The following HFM1 variants were observed in gnomAD, a reference collection of about 807,000 sequenced individuals.
HFM1 encodes helicase for meiosis 1.
In HFM1, 169 loss-of-function variants were observed where a neutral mutation model predicts 192.1. The ratio of observed to expected loss-of-function variants is 0.88; its 90% CI spans 0.78 to 1.00. The LOEUF (loss-of-function observed/expected upper bound fraction) is 1.00. Ranked by LOEUF, HFM1 falls within the 50% of genes least tolerant of loss-of-function variation. The pLI is 0.00. For missense variants in HFM1, 1,661 were observed against 1,668.0 expected, an observed-to-expected ratio of 1.00 and a Z score of 0.07; for synonymous variants, 525 against 537.8, an observed-to-expected ratio of 0.98 and a Z score of 0.33.
chr1:91,291,297 A>G (rs1391469049), intron 30 of HFM1, among the ~76,000 whole-genome samples: 2 of 152,192 alleles, frequency 1.3e-5, no homozygotes, highest in Admixed American at 1.3e-4. Context: ...AAATTGATAG[A>G]CCGCTAGCAA....
chr1:91,345,974 C>T (rs1656078100), intron 19 of HFM1, among the ~76,000 whole-genome samples: 1 of 152,160 alleles, frequency 6.6e-6, no homozygotes, highest in Non-Finnish European at 1.5e-5. Context: ...TTCAGTTTTC[C>T]CTGGGTCTTT....
chr1:91,401,122 G>A lies in HFM1; in HGVS notation c.-27-13C>T, dbSNP rs746046417. The A allele has an allele frequency of 5.6e-5, 61 of 1,098,554 alleles. No individual in the cohort carries two copies. The African/African-American group carries it at 8.4e-4, about 15-fold the overall frequency. The allele number at this position is 1,098,554 out of a possible 1,614,324, so 68.1% of individuals were successfully genotyped here. On this transcript the variant is annotated splice_polypyrimidine_tract_variant and intron_variant, in intron 1 of 38. Transcript: ENST00000370425. ...CTTTGTCATAAATCTACAAAATATGGAAAAAGTAGTTTATATTTTATTTAT... is the reference window on the plus strand; with the variant it reads ...CTTTGTCATAAATCTACAAAATATGAAAAAAGTAGTTTATATTTTATTTAT...
chr1:91,273,374 T>C (rs1253820068), intron 34 of HFM1, among the ~76,000 whole-genome samples: 1 of 152,074 alleles, frequency 6.6e-6, no homozygotes, highest in Non-Finnish European at 1.5e-5. Context: ...AAAATTATTT[T>C]AAATAATTCT....
chr1:91,290,158 C>A (rs1469708128), intron 30 of HFM1, among the ~76,000 whole-genome samples: 2 of 151,770 alleles, frequency 1.3e-5, no homozygotes, highest in Admixed American at 6.6e-5. Context: ...AGCAAAATAA[C>A]CAGCTAACAT....
Position 91,316,135 on chromosome 1 carries a change from A to G in HFM1, c.2948T>C (p.Met983Thr). 1 of 1,594,042 alleles carries G rather than the reference A, an allele frequency of 6.3e-7. No individual in the cohort carries two copies. Among genetic ancestry groups the G allele is most frequent in the Admixed American group, 1.7e-5 (1 of 58,712 alleles). Residue 983 changes from methionine to threonine, a missense_variant, in exon 27 of 39, where the codon ATG becomes ACG. By Grantham distance (81) the Met-to-Thr change is moderately conservative. Coordinates refer to ENST00000370425, the MANE Select transcript of HFM1 (RefSeq NM_001017975.6). ...PFGTQIKETV[M>T]YLPKYELKVE... is the part of the protein sequence containing the mutation. ...TTTAAGTTCATATTTTGGTAGATAC[A>G]TCACAGTTTCTTTTATCTGGGTTCC...
At chr1:91,304,073 T>C (rs1449140015) in intron 30 of HFM1, among the ~76,000 whole-genome samples, 1 of 152,158 alleles carries the variant, frequency 6.6e-6, no homozygotes, top group Non-Finnish European at 1.5e-5. Context: ...CAGGGTGGTC[T>C]TGAACTCCTG....
intron 13 of HFM1, among the ~76,000 whole-genome samples, chr1:91,357,335 A>G (rs1657883842): frequency 6.6e-6 from 1 of 152,242 alleles, no homozygotes; most frequent in African/African-American, 2.4e-5. Flanking sequence ...CATTAACAGA[A>G]TGAAAGATAA....
chr1:91,289,363 TCCTCACTTCCCAGACTGGGCGGC>T (rs1668433910), intron 30 of HFM1, among the ~76,000 whole-genome samples: 1 of 149,164 alleles, frequency 6.7e-6, no homozygotes, highest in South Asian at 2.2e-4. Flanking sequence ...GAAGAGACGC[TCCTCACTTCCCAGACTGGGCGGC>T]CGGGCAGAAG....
intron 35 of HFM1, 147 bp from the exon 36 acceptor site, chr1:91,266,254 G>C (rs901507811): frequency 1.6e-6 from 1 of 614,030 alleles, no homozygotes; most frequent in Non-Finnish European, 2.7e-6. Flanking sequence ...AATTTGCATA[G>C]AAAAATTAGG....
At position 91,369,407 on chromosome 1, in the gene HFM1, C is replaced by A. The variant is rs1659851185; in HGVS notation, c.1685+5951G>T. Among the ~76,000 whole-genome samples, 4 of 152,282 alleles carry A rather than the reference C, an allele frequency of 2.6e-5. No homozygotes were observed. In the South Asian group the frequency reaches 8.3e-4, roughly 32 times the overall value. On this transcript the variant is annotated intron_variant, in intron 13 of 38. Coordinates refer to ENST00000370425, the MANE Select transcript of HFM1 (RefSeq NM_001017975.6). ...AAATTATAACAAACTGTCTCTCAGACCACAGTGCAATCACACTAGAACTCA... is the reference window on the plus strand; with the variant it reads ...AAATTATAACAAACTGTCTCTCAGAACACAGTGCAATCACACTAGAACTCA...
intron 4 of HFM1, among the ~76,000 whole-genome samples, chr1:91,390,501 T>C (rs4509624): frequency 1.9e-4 from 28 of 149,920 alleles, no homozygotes; most frequent in Middle Eastern, 3.4e-3. Context: ...AGGGAAAGAA[T>C]GAAAGACTGA....
At chr1:91,271,918 G>C (rs1349150142) in intron 34 of HFM1, among the ~76,000 whole-genome samples, 2 of 152,056 alleles carry the variant, frequency 1.3e-5, no homozygotes, top group African/African-American at 2.4e-5. Flanking sequence ...TAATCTCTTG[G>C]AGTCTTGGCT....
chr1:91,379,191 T>G lies in HFM1; in HGVS notation c.1030A>C (p.Ser344Arg), dbSNP rs752193921. The change falls in exon 9 of 39, where the codon AGT (serine) becomes CGT (arginine). Residue 344 changes from serine (S) to arginine (R), a missense_variant. Coordinates refer to ENST00000370425, the MANE Select transcript of HFM1 (RefSeq NM_001017975.6). ...TCTTTCCAGTCATCAAAACGCTGACTGCACAAGGCTTTTATTGGTGCCACT... is the reference window on the plus strand; with the variant it reads ...TCTTTCCAGTCATCAAAACGCTGACGGCACAAGGCTTTTATTGGTGCCACT... ...VYMAPIKALC[S>R]QRFDDWKEKF... 1 of 1,606,908 alleles carries G rather than the reference T, an allele frequency of 6.2e-7. No individual in the cohort carries two copies.
intron 33 of HFM1, among the ~76,000 whole-genome samples, 172 bp from the exon 34 acceptor site, chr1:91,273,987 T>C (rs999006365): frequency 6.6e-6 from 1 of 152,134 alleles, no homozygotes; most frequent in African/African-American, 2.4e-5. Flanking sequence ...AAGTGACCAA[T>C]ACTTTCCTTT....
rs1382373708 is a variant in HFM1, at chr1:91,401,024, T to A, written c.59A>T (p.Asp20Val). ...SLENLFFEKP[D>V]EVENHPDNEK... ...AAGGGAGACTTACTTTTCAACTTCATCTGGTTTTTCAAAAAACAAATTTTC... is the reference window on the plus strand; with the variant it reads ...AAGGGAGACTTACTTTTCAACTTCAACTGGTTTTTCAAAAAACAAATTTTC... Residue 20 changes from aspartate (D) to valine (V), a missense_variant, in exon 2 of 39, where the codon GAT (aspartate) becomes GTT (valine). By Grantham distance (152) the Asp-to-Val change is radical (BLOSUM62 -3). Transcript: ENST00000370425. The A allele has an allele frequency of 6.6e-7, 1 of 1,524,930 alleles. No homozygotes were observed. Among genetic ancestry groups the A allele is most frequent in the African/African-American group, 1.4e-5 (1 of 70,618 alleles). 94.5% of individuals were successfully genotyped at this position (1,524,930 alleles called of 1,614,324 possible).
chr1:91,379,837 T>C (rs1661344441), intron 8 of HFM1, among the ~76,000 whole-genome samples: 1 of 152,148 alleles, frequency 6.6e-6, no homozygotes, highest in Non-Finnish European at 1.5e-5. Context: ...ATTTCTAGAA[T>C]TACAAAATAT....
At chr1:91,342,305 A>G (rs1405518457) in intron 20 of HFM1, among the ~76,000 whole-genome samples, 5 of 152,138 alleles carry the variant, frequency 3.3e-5, no homozygotes, top group Non-Finnish European at 7.4e-5. Context: ...AAAATGGAGC[A>G]TCTTGGCTTA....
chr1:91,367,051 G>C (rs1659427630), intron 13 of HFM1, among the ~76,000 whole-genome samples: 1 of 152,234 alleles, frequency 6.6e-6, no homozygotes, highest in Non-Finnish European at 1.5e-5. Flanking sequence ...GCGGCAGTGA[G>C]GCTGGGGGAG....
At chr1:91,373,339 A>T (rs943991344) in intron 13 of HFM1, among the ~76,000 whole-genome samples, 1 of 152,114 alleles carries the variant, frequency 6.6e-6, no homozygotes, top group African/African-American at 2.4e-5. Context: ...GTATCTGCTC[A>T]TATCCACATG....
Sources: allele counts gnomAD v4.1 joint callset (sites outside exome capture counted in the v4.1 genomes callset), GRCh38; gene constraint gnomAD v4.1.1; transcripts MANE v1.5; gene names NCBI Gene and HGNC (gene_info 2026-07-23, HGNC 2026-07-21).